CDKL5: variants seen among roughly 807,000 people sequenced by gnomAD.
CDKL5 encodes cyclin-dependent kinase-like 5.
Under a neutral mutation model 61.7 loss-of-function variants are expected in CDKL5, and 8 were observed. The observed-to-expected ratio is 0.13, with a 90% CI of 0.08 to 0.23. The LOEUF (loss-of-function observed/expected upper bound fraction) is 0.23, where lower values mean the gene tolerates loss of function less well. Among genes scored for constraint, CDKL5 ranks in the 10% least tolerant of loss-of-function variants. The pLI is 1.00. For missense variants in CDKL5, 440 were observed against 734.5 expected (o/e 0.60, Z 4.63); for synonymous variants, 275 against 272.3 (o/e 1.01, Z -0.10).
At chrX:18,525,924 T>C (rs1569202203) in intron 3 of CDKL5, among the ~76,000 whole-genome samples, 1 of 110,119 alleles carries the variant, frequency 9.1e-6, no homozygotes, top group Non-Finnish European at 1.9e-5. Flanking sequence ...TTTTTGTATT[T>C]TTAGTAGAGC....
At chrX:18,518,440 C>G (rs1471608475) in intron 3 of CDKL5, among the ~76,000 whole-genome samples, 2 of 64,589 alleles carry the variant, frequency 3.1e-5, no homozygotes, top group African/African-American at 1.3e-4. Context: ...GAGTCTCGCT[C>G]TGTCGCCAGG....
At chrX:18,552,675 G>A (rs1390446890) in intron 3 of CDKL5, among the ~76,000 whole-genome samples, 1 of 111,592 alleles carries the variant, frequency 9.0e-6, no homozygotes, top group African/African-American at 3.3e-5. Context: ...AGATCTCATC[G>A]AGGAGCCGTG....
downstream of CDKL5, chrX:18,644,365 C>G: frequency 1.9e-6 from 2 of 1,052,705 alleles, no homozygotes; most frequent in Non-Finnish European, 2.7e-6. Flanking sequence ...GACAGGAGCT[C>G]GGGGACAGGA....
chrX:18,525,236 C>T (rs1446114327), intron 3 of CDKL5, among the ~76,000 whole-genome samples: 2 of 111,301 alleles, frequency 1.8e-5, no homozygotes, highest in East Asian at 5.6e-4. Flanking sequence ...GTTGCAAGGA[C>T]TACAGGTACA....
intron 17 of CDKL5, chrX:18,626,805 G>A (rs1444450687): frequency 1.1e-5 from 1 of 91,590 alleles, no homozygotes; most frequent in Non-Finnish European, 2.1e-5. Flanking sequence ...CTGGAGTGCA[G>A]TGGCAAGATT....
chrX:18,572,892 G>C (rs898819752), intron 4 of CDKL5, among the ~76,000 whole-genome samples: 3 of 111,971 alleles, frequency 2.7e-5, no homozygotes, highest in African/African-American at 9.7e-5. Context: ...ATACCACTAA[G>C]CAAACAAATA....
At chrX:18,571,231 C>T (rs939827193) in intron 4 of CDKL5, among the ~76,000 whole-genome samples, 5 of 111,309 alleles carry the variant, frequency 4.5e-5, no homozygotes, top group Non-Finnish European at 9.4e-5. Context: ...GCCGCCTTGC[C>T]GTTCAGCTAA....
At chrX:18,647,108 G>T (rs1569230034) in intron 20 of CDKL5, 2 of 1,067,186 alleles carry the variant, frequency 1.9e-6, no homozygotes, top group Non-Finnish European at 2.6e-6. Flanking sequence ...GTAGAGACGG[G>T]GTTTCACTGT....
chrX:18,482,261 G>T (rs1201458962), intron 1 of CDKL5, among the ~76,000 whole-genome samples: 2 of 111,358 alleles, frequency 1.8e-5, no homozygotes, highest in Non-Finnish European at 3.8e-5. Flanking sequence ...CTTTTCTTTG[G>T]TTTAATTTTG....
In CDKL5 at chrX:18,627,783, C is replaced by CA. The variant is rs764474838; in HGVS notation, c.2497-579dup. On this transcript the variant is annotated intron_variant, in intron 17 of 17. Transcript: ENST00000623535. ...TGCCCAAATGTTACCCTCCCCCTTT[C>CA]AAAAAAAAAGCAAAAAAAAAAAAAA... The CA allele has an allele frequency of 0.01, 361 of 34,661 alleles. 1 individual carries two copies. The Middle Eastern group carries it at 0.12, about 12-fold the overall frequency. 2.9% of individuals were successfully genotyped at this position (34,661 alleles called of 1,213,427 possible).
chrX:18,605,378 G>A (rs1290379170), intron 12 of CDKL5, among the ~76,000 whole-genome samples: 2 of 112,210 alleles, frequency 1.8e-5, no homozygotes, highest in Admixed American at 1.9e-4. Context: ...ATAAATGTTA[G>A]TTTTCAGTCT....
intron 17 of CDKL5, 21 bp from the exon 18 acceptor site, chrX:18,628,350 C>T (rs1927132531): frequency 8.3e-7 from 1 of 1,206,241 alleles, no homozygotes; most frequent in Non-Finnish European, 1.1e-6. Context: ...ATCCTGTGTG[C>T]ATTCTCATCC....
At chrX:18,475,627 A>C (rs555240391) in intron 1 of CDKL5, among the ~76,000 whole-genome samples, 2 of 112,442 alleles carry the variant, frequency 1.8e-5, no homozygotes, top group East Asian at 2.8e-4. Flanking sequence ...GAACATTTTA[A>C]GAAAATGCTA....
chrX:18,432,060 C>T (rs1403293243), intron 1 of CDKL5, among the ~76,000 whole-genome samples: 1 of 107,688 alleles, frequency 9.3e-6, no homozygotes, highest in African/African-American at 3.4e-5. Context: ...AGGCACATGC[C>T]ACTGCACCTG....
intron 13 of CDKL5, 147 bp from the exon 14 acceptor site, chrX:18,609,318 G>C: frequency 3.0e-6 from 3 of 1,007,747 alleles, no homozygotes; most frequent in Non-Finnish European, 2.7e-6. Context: ...TGCTTGAACT[G>C]GGGCAGTCAA....
chrX:18,599,036 A>G (rs1926099731), intron 11 of CDKL5, among the ~76,000 whole-genome samples: 1 of 112,285 alleles, frequency 8.9e-6, no homozygotes, highest in Non-Finnish European at 1.9e-5. Flanking sequence ...TTGTGACTGG[A>G]CCAAATAGGT....
intron 14 of CDKL5, among the ~76,000 whole-genome samples, chrX:18,610,232 C>A (rs1926504596): frequency 1.8e-5 from 2 of 112,251 alleles, no homozygotes; most frequent in Non-Finnish European, 3.8e-5. Flanking sequence ...TCCCCCACCC[C>A]CCAGGTCTCT....
chrX:18,446,551 C>T (rs1353205849), intron 1 of CDKL5, among the ~76,000 whole-genome samples: 1 of 111,706 alleles, frequency 9.0e-6, no homozygotes, highest in Non-Finnish European at 1.9e-5. Flanking sequence ...TCTGTTCTCT[C>T]CTTTATGCAG....
intron 1 of CDKL5, among the ~76,000 whole-genome samples, chrX:18,440,136 T>C (rs763175066): frequency 5.9e-4 from 66 of 111,336 alleles, no homozygotes; most frequent in Non-Finnish European, 1.1e-3. Context: ...TTCCTTTCAT[T>C]GTAGGTTCTT....
Sources: allele counts gnomAD v4.1 joint callset (sites outside exome capture counted in the v4.1 genomes callset), GRCh38; gene constraint gnomAD v4.1.1; transcripts MANE v1.5; gene names NCBI Gene and HGNC (gene_info 2026-07-23, HGNC 2026-07-21).